The following DARS2 variants were observed in gnomAD, a reference collection of about 807,000 sequenced individuals.
DARS2 encodes aspartate--tRNA ligase, mitochondrial.
Under a neutral mutation model 83.0 loss-of-function variants are expected in DARS2, and 63 were observed. The ratio of observed to expected loss-of-function variants is 0.76; its 90% confidence interval spans 0.62 to 0.94. DARS2 has a LOEUF of 0.94. Among genes scored for constraint, DARS2 ranks in the 40% least tolerant of loss-of-function variants. The pLI is 0.00. For missense variants in DARS2, 675 were observed against 774.4 expected, an observed-to-expected ratio of 0.87 and a Z score of 1.52; for synonymous variants, 250 against 269.3, an observed-to-expected ratio of 0.93 and a Z score of 0.70.
chr1:173,839,257 C>T, intron 9 of DARS2, 110 bp from the exon 10 acceptor site: 1 of 890,810 alleles, frequency 1.1e-6, no homozygotes, highest in African/African-American at 1.7e-5. Flanking sequence ...AATATTTATA[C>T]CCTCTGCATG....
intron 7 of DARS2, among the ~76,000 whole-genome samples, chr1:173,835,288 C>T (rs1361901665): frequency 6.6e-6 from 1 of 151,064 alleles, no homozygotes; most frequent in Admixed American, 6.6e-5. Flanking sequence ...GACGGGGTTT[C>T]GCATGTTGGC....
chr1:173,855,431 CA>C (rs1430122685), intron 15 of DARS2, among the ~76,000 whole-genome samples: 2 of 152,002 alleles, frequency 1.3e-5, no homozygotes, highest in Non-Finnish European at 2.9e-5. Context: ...CCTGCCAATT[CA>C]AAGCCTCCAA....
Position 173,857,588 on chromosome 1 carries a change from C to G in DARS2, c.1821C>G (p.Ser607=). ...SIRDVIAFPK[S]FRGHDLMSNT... is the part of the protein sequence containing the mutation. ...GAGATGTCATAGCCTTCCCAAAGTC[C>G]TTCCGGGGACATGACCTCATGAGCA... The change falls in exon 17 of 17, where the codon TCC becomes TCG. Residue 607 remains serine, a synonymous_variant. Transcript: ENST00000649689. 6.2e-7 allele frequency: 1 copy of G among 1,614,168 alleles called. No homozygotes were observed. The highest frequency in any genetic ancestry group is 8.5e-7 in the Non-Finnish European group (1 of 1,180,014).
At chr1:173,836,727 C>T (rs902139511) in intron 7 of DARS2, among the ~76,000 whole-genome samples, 3 of 152,064 alleles carry the variant, frequency 2.0e-5, no homozygotes, top group African/African-American at 4.8e-5. Context: ...AAACTTAACA[C>T]CTACCGTATA....
intron 13 of DARS2, among the ~76,000 whole-genome samples, chr1:173,850,786 G>A (rs1653630550): frequency 6.6e-6 from 1 of 151,676 alleles, no homozygotes; most frequent in South Asian, 2.1e-4. Context: ...TTGTATTTTA[G>A]TAGAGACAGG....
At chr1:173,833,332 ATAT>A in intron 5 of DARS2, 41 bp from the exon 6 acceptor site, 1 of 1,491,272 alleles carries the variant, frequency 6.7e-7, no homozygotes, top group East Asian at 2.5e-5. Context: ...TACCTTTCTA[ATAT>A]TGAAAAATAT....
At chr1:173,848,137 G>A (rs1290587188) in intron 12 of DARS2, among the ~76,000 whole-genome samples, 2 of 152,262 alleles carry the variant, frequency 1.3e-5, no homozygotes, top group Non-Finnish European at 1.5e-5. Context: ...ACAGGCGTGA[G>A]CCACCGTGCC....
At chr1:173,835,452 T>C (rs1036874881) in intron 7 of DARS2, among the ~76,000 whole-genome samples, 113 of 150,888 alleles carry the variant, frequency 7.5e-4, no homozygotes, top group Middle Eastern at 3.4e-3. Context: ...ACATGTAGTC[T>C]TAGTACTTTG....
chr1:173,845,791 G>A (rs1023110045), intron 12 of DARS2, among the ~76,000 whole-genome samples: 3 of 152,106 alleles, frequency 2.0e-5, no homozygotes, highest in Non-Finnish European at 2.9e-5. Flanking sequence ...GGAGGCCAAG[G>A]CAGGCGGATC....
At chr1:173,845,742 C>G (rs1653410027) in intron 12 of DARS2, among the ~76,000 whole-genome samples, 1 of 152,104 alleles carries the variant, frequency 6.6e-6, no homozygotes, top group Non-Finnish European at 1.5e-5. Flanking sequence ...AAAAATTGGG[C>G]TGGGCACGGT....
At position 173,853,888 on chromosome 1, in the gene DARS2, C is replaced by T. The variant is rs1557863599; in HGVS notation, c.1657C>T (p.Leu553=). 3.7e-6 allele frequency: 6 copies of T among 1,613,760 alleles called. No individual in the cohort carries two copies. The highest frequency in any genetic ancestry group is 5.1e-6 in the Non-Finnish European group (6 of 1,179,686). The part of the protein sequence containing the change: ...IHNAELQRYI[L]ATLLKEDVKM... ...CAATGCAGAGCTGCAGCGTTATATC[C>T]TGGCAACCTTACTAAAGGTAACAAA... Residue 553 remains leucine, a synonymous_variant, in exon 15 of 17, where the codon CTG becomes TTG. Transcript: ENST00000649689.
chr1:173,834,345 G>T, intron 6 of DARS2, 128 bp from the exon 7 acceptor site: 1 of 722,950 alleles, frequency 1.4e-6, no homozygotes. Flanking sequence ...CAGTAGGCTT[G>T]GTAGCTTATT....
chr1:173,831,180 G>A (rs1262487871), intron 4 of DARS2, among the ~76,000 whole-genome samples: 3 of 150,532 alleles, frequency 2.0e-5, no homozygotes, highest in Admixed American at 6.6e-5. Context: ...CTCCCAAAGT[G>A]CCAGGATTAC....
chr1:173,855,713 C>T (rs1356813824), intron 15 of DARS2, among the ~76,000 whole-genome samples: 2 of 151,698 alleles, frequency 1.3e-5, no homozygotes, highest in Non-Finnish European at 1.5e-5. Context: ...AGTGCAGTGG[C>T]GTGATCTTGG....
At chr1:173,833,937 T>A (rs1392824676) in intron 6 of DARS2, among the ~76,000 whole-genome samples, 1 of 152,048 alleles carries the variant, frequency 6.6e-6, no homozygotes, top group African/African-American at 2.4e-5. Flanking sequence ...TTTTTAAAAA[T>A]TTTTTGTAGA....
chr1:173,853,832 A>G lies in DARS2; in HGVS notation c.1601A>G (p.Asn534Ser), dbSNP rs775945759. The stretch of plus-strand genomic sequence containing the variant: ...CACTATGACTTGGTTTTAAATGGCA[A>G]TGAAATAGGAGGTGGTTCAATTCGA... Reference protein sequence around the residue: ...SQHYDLVLNGNEIGGGSIRIH... With the variant: ...SQHYDLVLNGSEIGGGSIRIH... The change falls in exon 15 of 17, where the codon AAT (asparagine) becomes AGT (serine). Residue 534 changes from asparagine (N) to serine (S), a missense_variant. By Grantham distance (46) the Asn-to-Ser change is conservative (BLOSUM62 1). Coordinates refer to ENST00000649689, the MANE Select transcript of DARS2 (RefSeq NM_018122.5). 3 of 1,614,204 alleles carry G rather than the reference A, an allele frequency of 1.9e-6. 1 individual carries two copies. In the South Asian group the frequency reaches 3.3e-5, roughly 18 times the overall value.
intron 13 of DARS2, 47 bp downstream of exon 13, chr1:173,850,526 T>C (rs777394780): frequency 1.6e-5 from 26 of 1,588,714 alleles, no homozygotes; most frequent in African/African-American, 1.3e-5. Context: ...TGCTGAACAA[T>C]GCCTTACTCT....
chr1:173,857,872 C>G lies in DARS2; in HGVS notation c.*167C>G, dbSNP rs1653914780. ...CAACGAAGAAACAGATAAAAGATAC[C>G]CAATTTTGACTTGATTTCATGCATC... On this transcript the variant is annotated 3_prime_UTR_variant, in exon 17 of 17. Transcript: ENST00000649689. 1.3e-6 allele frequency: 1 copy of G among 750,538 alleles called. No individual in the cohort carries two copies. The highest frequency in any genetic ancestry group is 2.6e-5 in the Admixed American group (1 of 38,622). 46.5% of individuals were successfully genotyped at this position (750,538 alleles called of 1,614,324 possible).
chr1:173,845,009 G>C (rs975806841), intron 11 of DARS2, among the ~76,000 whole-genome samples: 1 of 151,732 alleles, frequency 6.6e-6, no homozygotes, highest in Non-Finnish European at 1.5e-5. Context: ...GGTCGGGCTG[G>C]TTTTGAACTC....
Sources: allele counts gnomAD v4.1 joint callset (sites outside exome capture counted in the v4.1 genomes callset), GRCh38; gene constraint gnomAD v4.1.1; transcripts MANE v1.5; gene names NCBI Gene and HGNC (gene_info 2026-07-23, HGNC 2026-07-21).